UNC13B: variants seen among roughly 807,000 people sequenced by gnomAD.
UNC13B encodes protein unc-13 homolog B.
UNC13B carries 144 observed loss-of-function variants against 211.0 expected under a neutral mutation model. The ratio of observed to expected loss-of-function variants is 0.68; its 90% CI spans 0.60 to 0.78. The LOEUF is 0.78. Among genes scored for constraint, UNC13B ranks in the 30% least tolerant of loss-of-function variants. UNC13B has a pLI of 0.00. For missense variants in UNC13B, 1,777 were observed against 2,002.0 expected, an observed-to-expected ratio of 0.89 and a Z score of 2.14; for synonymous variants, 709 against 725.8, an observed-to-expected ratio of 0.98 and a Z score of 0.37.
chr9:35,275,392 T>G (rs1828115543), intron 7 of UNC13B, among the ~76,000 whole-genome samples: 1 of 152,194 alleles, frequency 6.6e-6, no homozygotes, highest in African/African-American at 2.4e-5. Flanking sequence ...GTATAGGAGT[T>G]TTAAAATATT....
At chr9:35,310,390 TC>T in intron 9 of UNC13B, 76 bp from the exon 10 acceptor site, 1 of 1,462,446 alleles carries the variant, frequency 6.8e-7, no homozygotes, top group Non-Finnish European at 9.3e-7. Context: ...AGTCATTATT[TC>T]CTGGATGTCT....
In UNC13B at chr9:35,295,883, C is replaced by A. The variant is rs35199210; in HGVS notation, c.714C>A (p.Asp238Glu). 9.4e-3 allele frequency: 15,214 copies of A among 1,613,968 alleles called. 131 individuals carry two copies. The highest frequency in any genetic ancestry group is 0.032 in the Middle Eastern group (195 of 6,062). ...GCAGTTCCCGGGACTCTTGTAATGA[C>A]TCTATGCAAAGTTATGACCTTGATT... ...LQGSSRDSCN[D>E]SMQSYDLDYP... Residue 238 changes from aspartate to glutamate, a missense_variant, in exon 8 of 40, where the codon GAC becomes GAA. By Grantham distance (45) the Asp-to-Glu change is conservative. Transcript: ENST00000635942.
chr9:35,253,212 G>A (rs4879886), intron 6 of UNC13B, among the ~76,000 whole-genome samples: 7,371 of 152,146 alleles, frequency 0.048, 399 homozygotes, highest in East Asian at 0.3. Flanking sequence ...CACAATCATA[G>A]CTCACTACAT....
At chr9:35,228,675 T>A (rs1444827959) in intron 2 of UNC13B, among the ~76,000 whole-genome samples, 1 of 151,320 alleles carries the variant, frequency 6.6e-6, no homozygotes, top group East Asian at 1.9e-4. Flanking sequence ...TTATGCAACC[T>A]GCTTTTCCCC....
chr9:35,162,532 A>G (rs1469243111), intron 1 of UNC13B, among the ~76,000 whole-genome samples: 1 of 152,152 alleles, frequency 6.6e-6, no homozygotes, highest in Non-Finnish European at 1.5e-5. Context: ...TAGCCATGTG[A>G]CAATGTTGTT....
At chr9:35,298,728 C>T (rs1829521651) in intron 8 of UNC13B, among the ~76,000 whole-genome samples, 1 of 152,136 alleles carries the variant, frequency 6.6e-6, no homozygotes, top group Non-Finnish European at 1.5e-5. Context: ...CTCATAAGCT[C>T]CTAGCCTTTA....
intron 6 of UNC13B, among the ~76,000 whole-genome samples, chr9:35,257,330 T>TTTATATAAATATTTATAAAAATAA (rs1826949644): frequency 1.4e-5 from 1 of 71,616 alleles, no homozygotes; most frequent in Non-Finnish European, 2.6e-5. Context: ...TATAAAAATA[T>TTTATATAAATATTTATAAAAATAA]TTATATAAAT....
chr9:35,190,294 C>CA (rs1335336756), intron 1 of UNC13B, among the ~76,000 whole-genome samples: 1 of 152,090 alleles, frequency 6.6e-6, no homozygotes, highest in African/African-American at 2.4e-5. Context: ...TATAGGTGGC[C>CA]AAGAGCATGC....
chr9:35,208,993 A>G (rs1823815354), intron 1 of UNC13B, among the ~76,000 whole-genome samples: 1 of 152,218 alleles, frequency 6.6e-6, no homozygotes, highest in African/African-American at 2.4e-5. Context: ...CAAAATGATT[A>G]AAATTATCTA....
At chr9:35,372,262 ACT>A (rs1233275607) in intron 13 of UNC13B, among the ~76,000 whole-genome samples, 3 of 152,184 alleles carry the variant, frequency 2.0e-5, no homozygotes, top group Non-Finnish European at 4.4e-5. Flanking sequence ...ACAGTGCAAG[ACT>A]CTGTCTCCAA....
chr9:35,209,633 C>T (rs1177007812), intron 1 of UNC13B, among the ~76,000 whole-genome samples: 2 of 152,222 alleles, frequency 1.3e-5, no homozygotes, highest in African/African-American at 2.4e-5. Context: ...CCACCTCGGC[C>T]TCCCAAAGTG....
At chr9:35,220,928 T>C (rs1158424888) in intron 1 of UNC13B, among the ~76,000 whole-genome samples, 2 of 152,202 alleles carry the variant, frequency 1.3e-5, no homozygotes, top group East Asian at 3.8e-4. Context: ...TCTTATTGCT[T>C]GTCTTTTGGA....
At position 35,370,449 on chromosome 9, in the gene UNC13B, T is replaced by C. The variant is rs372679124; in HGVS notation, c.9540+53T>C. The C allele has an allele frequency of 4.3e-4, 672 of 1,547,254 alleles. 2 individuals are homozygous for C. The highest frequency in any genetic ancestry group is 8.7e-4 in the South Asian group (77 of 88,224). Reference sequence around the variant, plus strand: ...GGCAGTAGCCTTGGGGTATCCCCCATTGGGCCTTGGCAAGCTGTCAGGATT... The same window carrying C: ...GGCAGTAGCCTTGGGGTATCCCCCACTGGGCCTTGGCAAGCTGTCAGGATT... On this transcript the variant is annotated intron_variant, in intron 13 of 39. Transcript: ENST00000635942.
intron 11 of UNC13B, 40 bp from the exon 12 acceptor site, chr9:35,366,907 C>G (rs1189911051): frequency 2.5e-6 from 4 of 1,579,442 alleles, no homozygotes; most frequent in African/African-American, 2.7e-5. Flanking sequence ...AATCTCCCAT[C>G]TTTCCCAGGA....
chr9:35,309,222 A>AGTGTGTGT (rs5897599), intron 9 of UNC13B, among the ~76,000 whole-genome samples: 1 of 145,144 alleles, frequency 6.9e-6, no homozygotes, highest in African/African-American at 2.6e-5. Context: ...GGTCAGGGTC[A>AGTGTGTGT]GTGTGTGTGT....
chr9:35,379,060 C>T (rs962208728), intron 17 of UNC13B, among the ~76,000 whole-genome samples: 1 of 152,154 alleles, frequency 6.6e-6, no homozygotes, highest in African/African-American at 2.4e-5. Context: ...CTTTGTCGCT[C>T]CCTAATAAGG....
chr9:35,177,036 C>T (rs994102930), intron 1 of UNC13B, among the ~76,000 whole-genome samples: 1 of 152,190 alleles, frequency 6.6e-6, no homozygotes, highest in South Asian at 2.1e-4. Flanking sequence ...GTGATCCACC[C>T]GCCTCGGCCT....
At position 35,404,228 on chromosome 9, in the gene UNC13B, G is replaced by A; in HGVS notation, c.*195G>A. 1.4e-6 allele frequency: 1 copy of A among 696,016 alleles called. No individual in the cohort carries two copies. The highest frequency in any genetic ancestry group is 2.3e-6 in the Non-Finnish European group (1 of 427,364). The allele number at this position is 696,016 out of a possible 1,614,324, so 43.1% of individuals were successfully genotyped here. A position where few individuals can be genotyped will look rare whatever the true frequency, so the allele number is the denominator to read the frequency against. On this transcript the variant is annotated 3_prime_UTR_variant, in exon 40 of 40. Coordinates refer to ENST00000635942, the MANE Select transcript of UNC13B (RefSeq NM_001371189.2). ...GGGTCATGAAGCCCTGGCCCAACAG[G>A]ACTGTGGTACTAGGGGCTGGGATGT...
At chr9:35,223,473 T>C (rs1407602998) in intron 1 of UNC13B, among the ~76,000 whole-genome samples, 1 of 152,144 alleles carries the variant, frequency 6.6e-6, no homozygotes, top group African/African-American at 2.4e-5. Context: ...TTCATATACA[T>C]GTTGGCCATT....
Sources: allele counts gnomAD v4.1 joint callset (sites outside exome capture counted in the v4.1 genomes callset), GRCh38; gene constraint gnomAD v4.1.1; transcripts MANE v1.5; gene names NCBI Gene and HGNC (gene_info 2026-07-23, HGNC 2026-07-21).